Variants in CNTN5 observed in about 807,000 individuals in gnomAD.
The protein encoded by CNTN5 is contactin 5, also known as contactin-5.
Under a neutral mutation model 129.1 loss-of-function variants are expected in CNTN5, and 77 were observed. That is an observed-to-expected ratio of 0.60 (90% confidence interval 0.50 to 0.72). The LOEUF (loss-of-function observed/expected upper bound fraction) is 0.72, where lower values mean the gene tolerates loss of function less well. CNTN5 is among the 30% of genes least tolerant of loss of function. The pLI is 0.00. For missense variants in CNTN5, 1,478 were observed against 1,328.8 expected (o/e 1.11, Z -1.75); for synonymous variants, 509 against 465.6 (o/e 1.09, Z -1.20).
chr11:99,165,757 A>G (rs1281915507), intron 1 of CNTN5, among the ~76,000 whole-genome samples: 2 of 152,150 alleles, frequency 1.3e-5, no homozygotes, highest in African/African-American at 4.8e-5. Flanking sequence ...GGTCAAAATA[A>G]GAGATCGCAT....
chr11:99,957,354 T>G (rs1011257343), intron 8 of CNTN5, among the ~76,000 whole-genome samples: 1 of 152,182 alleles, frequency 6.6e-6, no homozygotes, highest in African/African-American at 2.4e-5. Flanking sequence ...TGCAAGCATT[T>G]TATGGGTTCA....
chr11:99,246,249 A>G (rs1474036101), intron 1 of CNTN5, among the ~76,000 whole-genome samples: 1 of 152,184 alleles, frequency 6.6e-6, no homozygotes, highest in Non-Finnish European at 1.5e-5. Context: ...TAAGAACTAG[A>G]GTTATTCATC....
At chr11:99,644,125 G>A (rs1428326481) in intron 3 of CNTN5, among the ~76,000 whole-genome samples, 1 of 151,112 alleles carries the variant, frequency 6.6e-6, no homozygotes, top group Non-Finnish European at 1.5e-5. Flanking sequence ...ATGCCCATAT[G>A]CCCACTGAAC....
chr11:99,090,748 C>A (rs1044804893), intron 1 of CNTN5, among the ~76,000 whole-genome samples: 2 of 146,654 alleles, frequency 1.4e-5, no homozygotes, highest in African/African-American at 2.5e-5. Flanking sequence ...AACGGCCGGG[C>A]GCGGTGGCTC....
intron 3 of CNTN5, among the ~76,000 whole-genome samples, chr11:99,724,750 C>T (rs878963375): frequency 6.6e-6 from 1 of 151,904 alleles, no homozygotes; most frequent in Non-Finnish European, 1.5e-5. Flanking sequence ...ATAACAGTAT[C>T]TGACAAAAAA....
chr11:100,173,103 C>T (rs1947870615), intron 13 of CNTN5, among the ~76,000 whole-genome samples: 1 of 152,032 alleles, frequency 6.6e-6, no homozygotes, highest in African/African-American at 2.4e-5. Context: ...GAAGAAACAC[C>T]TAAAATTCTG....
chr11:99,901,641 A>G (rs2135951448), intron 6 of CNTN5, among the ~76,000 whole-genome samples: 1 of 152,248 alleles, frequency 6.6e-6, no homozygotes, highest in Non-Finnish European at 1.5e-5. Context: ...ATTTTTTTCT[A>G]AATCTAAATT....
intron 6 of CNTN5, among the ~76,000 whole-genome samples, chr11:99,866,613 C>T (rs747265742): frequency 1.3e-4 from 20 of 152,158 alleles, no homozygotes; most frequent in Non-Finnish European, 2.4e-4. Flanking sequence ...CTCCAAGCCA[C>T]TTAATAACAT....
At chr11:99,937,307 C>G (rs1467309366) in intron 7 of CNTN5, among the ~76,000 whole-genome samples, 1 of 152,102 alleles carries the variant, frequency 6.6e-6, no homozygotes, top group African/African-American at 2.4e-5. Flanking sequence ...TGGAGGATAG[C>G]CATATAAATG....
intron 9 of CNTN5, among the ~76,000 whole-genome samples, chr11:100,004,122 T>C (rs1940049096): frequency 6.6e-6 from 1 of 152,180 alleles, no homozygotes; most frequent in Non-Finnish European, 1.5e-5. Flanking sequence ...GAGCTGCTTC[T>C]TACTTCAGCA....
chr11:99,773,183 G>A (rs564747647), intron 3 of CNTN5, among the ~76,000 whole-genome samples: 69 of 151,968 alleles, frequency 4.5e-4, no homozygotes, highest in Non-Finnish European at 5.1e-4. Context: ...TTTAATTTGC[G>A]TTCAAGTAGA....
intron 1 of CNTN5, among the ~76,000 whole-genome samples, chr11:99,063,507 C>CATAAATAAATAA (rs67049549): frequency 3.4e-5 from 5 of 148,794 alleles, no homozygotes; most frequent in Non-Finnish European, 7.5e-5. Context: ...ACTGAAAACT[C>CATAAATAAATAA]ATAAATAAAT....
intron 13 of CNTN5, among the ~76,000 whole-genome samples, chr11:100,082,289 T>C (rs532368888): frequency 5.6e-4 from 86 of 152,270 alleles, no homozygotes; most frequent in Admixed American, 8.5e-4. Context: ...CATTGTAGGT[T>C]TGCTTTTATT....
intron 12 of CNTN5, among the ~76,000 whole-genome samples, 175 bp from the exon 13 acceptor site, chr11:100,073,969 A>T (rs1381972848): frequency 2.6e-5 from 4 of 152,222 alleles, no homozygotes; most frequent in African/African-American, 9.6e-5. Flanking sequence ...GTACTAAGGT[A>T]CATATTAATT....
At chr11:100,251,323 C>T (rs1565372310) in intron 16 of CNTN5, among the ~76,000 whole-genome samples, 1 of 152,040 alleles carries the variant, frequency 6.6e-6, no homozygotes, top group Non-Finnish European at 1.5e-5. Flanking sequence ...TTGTATGTAT[C>T]CCAGGATGTA....
At chr11:99,915,854 TC>T (rs1949775437) in intron 6 of CNTN5, among the ~76,000 whole-genome samples, 199 bp from the exon 7 acceptor site, 2 of 152,190 alleles carry the variant, frequency 1.3e-5, no homozygotes, top group Non-Finnish European at 1.5e-5. Context: ...GTGTGGTTTT[TC>T]TATGGGTGGT....
intron 3 of CNTN5, among the ~76,000 whole-genome samples, chr11:99,767,770 A>T (rs1565507567): frequency 6.6e-6 from 1 of 152,086 alleles, no homozygotes; most frequent in African/African-American, 2.4e-5. Flanking sequence ...GTGACGTTAC[A>T]GCAAATAAAG....
chr11:100,144,019 A>T (rs1248921605), intron 13 of CNTN5, among the ~76,000 whole-genome samples: 1 of 152,272 alleles, frequency 6.6e-6, no homozygotes, highest in Non-Finnish European at 1.5e-5. Flanking sequence ...CTCTGTAATG[A>T]TTCTCTATAA....
chr11:99,659,047 T>A (rs1417988392), intron 3 of CNTN5, among the ~76,000 whole-genome samples: 1 of 152,078 alleles, frequency 6.6e-6, no homozygotes, highest in Non-Finnish European at 1.5e-5. Context: ...GTTGATTTAC[T>A]TGGAGATGGG....
Sources: allele counts gnomAD v4.1 joint callset (sites outside exome capture counted in the v4.1 genomes callset), GRCh38; gene constraint gnomAD v4.1.1; transcripts MANE v1.5; gene names NCBI Gene and HGNC (gene_info 2026-07-23, HGNC 2026-07-21).